SDK1: variants seen among roughly 807,000 people sequenced by gnomAD.
SDK1 encodes the protein sidekick cell adhesion molecule 1, also known as protein sidekick-1.
Under a neutral mutation model 245.5 loss-of-function variants are expected in SDK1, and 157 were observed. The observed-to-expected ratio is 0.64, with a 90% confidence interval of 0.56 to 0.73. SDK1 has a LOEUF of 0.73. Ranked by LOEUF, SDK1 falls within the 30% of genes least tolerant of loss-of-function variation. The pLI is 0.00. For missense variants in SDK1, 3,583 were observed against 3,002.3 expected (o/e 1.19, Z -4.52); for synonymous variants, 1,647 against 1,278.5 (o/e 1.29, Z -6.15).
intron 1 of SDK1, among the ~76,000 whole-genome samples, chr7:3,574,771 C>CT (rs2128630650): frequency 6.6e-6 from 1 of 152,172 alleles, no homozygotes; most frequent in Non-Finnish European, 1.5e-5. Flanking sequence ...AAACCAACTA[C>CT]TCAAAGGCAG....
chr7:3,423,433 G>C (rs1779586915), intron 1 of SDK1, among the ~76,000 whole-genome samples: 1 of 152,148 alleles, frequency 6.6e-6, no homozygotes. Context: ...TCATCAAAGA[G>C]AACTTCTTGG....
At chr7:3,834,643 C>T (rs564882903) in intron 5 of SDK1, among the ~76,000 whole-genome samples, 2 of 152,244 alleles carry the variant, frequency 1.3e-5, no homozygotes, top group African/African-American at 4.8e-5. Context: ...TATCAGTGCC[C>T]CCCAGGAAGA....
chr7:3,849,834 C>A (rs531104426), intron 5 of SDK1, among the ~76,000 whole-genome samples: 1 of 152,110 alleles, frequency 6.6e-6, no homozygotes, highest in Non-Finnish European at 1.5e-5. Context: ...AAAGCTGTTC[C>A]AAAGCTCACG....
At chr7:3,388,169 T>C (rs779213747) in intron 1 of SDK1, among the ~76,000 whole-genome samples, 1 of 152,136 alleles carries the variant, frequency 6.6e-6, no homozygotes, top group Non-Finnish European at 1.5e-5. Context: ...TCTTCAGTTA[T>C]TTTAGTTATA....
intron 5 of SDK1, among the ~76,000 whole-genome samples, chr7:3,934,916 C>T (rs1780102751): frequency 6.6e-6 from 1 of 152,172 alleles, no homozygotes; most frequent in South Asian, 2.1e-4. Context: ...GAGGTTCAGC[C>T]CCGAGGCAAC....
intron 1 of SDK1, among the ~76,000 whole-genome samples, chr7:3,424,724 C>T (rs1779629153): frequency 6.6e-6 from 1 of 152,044 alleles, no homozygotes; most frequent in South Asian, 2.1e-4. Context: ...TAAGGAGACT[C>T]TATCTCTACA....
chr7:3,365,863 T>G (rs1198906655), intron 1 of SDK1, among the ~76,000 whole-genome samples: 1 of 151,866 alleles, frequency 6.6e-6, no homozygotes, highest in Admixed American at 6.6e-5. Context: ...ATGGTGAAAC[T>G]CTGTCTCTAC....
intron 40 of SDK1, among the ~76,000 whole-genome samples, chr7:4,222,393 C>T (rs1049394833): frequency 1.5e-4 from 23 of 152,204 alleles, no homozygotes; most frequent in Admixed American, 1.0e-3. Flanking sequence ...CTCCCGGGTT[C>T]AAGCAATTCT....
At chr7:3,856,065 T>A (rs1353863519) in intron 5 of SDK1, among the ~76,000 whole-genome samples, 1 of 152,194 alleles carries the variant, frequency 6.6e-6, no homozygotes, top group Non-Finnish European at 1.5e-5. Context: ...CCAAGAGTTA[T>A]CAACCAGAGA....
rs1470216128 is a variant in SDK1 at position 3,938,712 on chromosome 7, C to T, written c.848-12211C>T. Among the ~76,000 whole-genome samples, 7 of 151,668 alleles carry T rather than the reference C, an allele frequency of 4.6e-5. No individual in the cohort carries two copies. The South Asian group carries it at 6.2e-4, about 14-fold the overall frequency. On this transcript the variant is annotated intron_variant, in intron 5 of 44. Transcript: ENST00000404826. ...TCAGATATTTGGATCACTCTAGCAT[C>T]CAATCATGCAGCTCCTAAATATGCT...
intron 1 of SDK1, among the ~76,000 whole-genome samples, chr7:3,420,383 G>T (rs1181306731): frequency 6.6e-6 from 1 of 152,148 alleles, no homozygotes; most frequent in Non-Finnish European, 1.5e-5. Context: ...ACAACTTTCT[G>T]TTCTTGGATT....
chr7:3,391,452 C>T (rs1781746229), intron 1 of SDK1, among the ~76,000 whole-genome samples: 1 of 150,528 alleles, frequency 6.6e-6, no homozygotes, highest in Non-Finnish European at 1.5e-5. Flanking sequence ...CTTGCTTAAG[C>T]GTACATTTGG....
At chr7:3,741,644 A>G (rs1315121576) in intron 4 of SDK1, among the ~76,000 whole-genome samples, 1 of 152,190 alleles carries the variant, frequency 6.6e-6, no homozygotes, top group Non-Finnish European at 1.5e-5. Context: ...CCTTTAAGCT[A>G]GGAGTGTATC....
chr7:3,403,117 A>G (rs1278078748), intron 1 of SDK1, among the ~76,000 whole-genome samples: 1 of 152,078 alleles, frequency 6.6e-6, no homozygotes, highest in African/African-American at 2.4e-5. Context: ...TATTTTTAGT[A>G]GAAACAGGGT....
chr7:3,952,150 A>G (rs1001696590), intron 7 of SDK1: 1 of 538,212 alleles, frequency 1.9e-6, no homozygotes, highest in South Asian at 2.3e-5. Context: ...GTCCTTCTGA[A>G]TACTCCAGTC....
intron 5 of SDK1, among the ~76,000 whole-genome samples, chr7:3,846,429 T>C (rs1780280030): frequency 6.6e-6 from 1 of 152,156 alleles, no homozygotes. Flanking sequence ...TACTGATAGG[T>C]CATTTCTGAA....
At chr7:3,936,948 C>T (rs779371267) in intron 5 of SDK1, among the ~76,000 whole-genome samples, 7 of 152,136 alleles carry the variant, frequency 4.6e-5, no homozygotes, top group South Asian at 2.1e-4. Context: ...GAATGCCACA[C>T]GGTCAGGTGT....
intron 44 of SDK1, among the ~76,000 whole-genome samples, chr7:4,254,537 G>T (rs1031850073): frequency 6.6e-6 from 1 of 150,978 alleles, no homozygotes; most frequent in East Asian, 1.9e-4. Context: ...TTTAAACATG[G>T]TCTCCTTTAG....
chr7:3,969,531 C>T (rs1782324266), intron 11 of SDK1, 107 bp downstream of exon 11: 4 of 754,972 alleles, frequency 5.3e-6, no homozygotes, highest in Non-Finnish European at 7.6e-6. Context: ...CTAATTTAAT[C>T]AAAAGAGAAT....
Sources: gnomAD v4.1 joint callset for allele counts (sites outside exome capture counted in the v4.1 genomes callset) on GRCh38, gnomAD v4.1.1 for gene constraint, MANE v1.5 for transcripts, NCBI Gene and HGNC (gene_info 2026-07-23, HGNC 2026-07-21) for gene names.